The following ATP8A1 variants were observed in gnomAD, a reference collection of about 807,000 sequenced individuals.
The protein encoded by ATP8A1 is phospholipid-transporting ATPase IA.
ATP8A1 carries 90 observed loss-of-function variants against 177.7 expected under a neutral mutation model. The observed-to-expected ratio is 0.51, with a 90% confidence interval of 0.43 to 0.60. ATP8A1 has a LOEUF of 0.60. Among genes scored for constraint, ATP8A1 ranks in the 20% least tolerant of loss-of-function variants. The pLI is 0.00. For missense variants in ATP8A1, 1,072 were observed against 1,392.8 expected (o/e 0.77, Z 3.67); for synonymous variants, 493 against 485.9 (o/e 1.01, Z -0.19).
chr4:42,466,633 T>C lies in ATP8A1; in HGVS notation c.2325-1557A>G, dbSNP rs577377802. Among the ~76,000 whole-genome samples, 45 of 152,340 alleles carry C rather than the reference T, an allele frequency of 3.0e-4. No homozygotes were observed. The South Asian group carries it at 8.9e-3, about 30-fold the overall frequency. ...ACATGGTTGCTATACGAAAAAACCA[T>C]TTTTAATTTTTTCTTTGGATTTCCT... On this transcript the variant is annotated intron_variant, in intron 25 of 36. Coordinates refer to ENST00000381668, the MANE Select transcript of ATP8A1 (RefSeq NM_006095.2).
At chr4:42,534,421 C>G (rs1009933356) in intron 20 of ATP8A1, among the ~76,000 whole-genome samples, 1 of 151,878 alleles carries the variant, frequency 6.6e-6, no homozygotes, top group Non-Finnish European at 1.5e-5. Context: ...CTTCAGAGCT[C>G]AAAGACAGGG....
At chr4:42,610,289 T>C (rs1418840404) in intron 5 of ATP8A1, among the ~76,000 whole-genome samples, 1 of 152,088 alleles carries the variant, frequency 6.6e-6, no homozygotes, top group Non-Finnish European at 1.5e-5. Context: ...AAGAAAGATG[T>C]TCAATAAAGA....
chr4:42,601,033 C>CTTTTTTTTT (rs36117571), intron 5 of ATP8A1, among the ~76,000 whole-genome samples: 5 of 102,412 alleles, frequency 4.9e-5, no homozygotes, highest in East Asian at 3.0e-4. Flanking sequence ...CCCAAATTTT[C>CTTTTTTTTT]TTTTTTTTTT....
chr4:42,567,462 C>A (rs1208633326), intron 15 of ATP8A1, among the ~76,000 whole-genome samples: 1 of 152,180 alleles, frequency 6.6e-6, no homozygotes, highest in Non-Finnish European at 1.5e-5. Context: ...TCACTTGAAC[C>A]TGGGAGGTGG....
chr4:42,653,497 C>T (rs1022924016), intron 1 of ATP8A1, among the ~76,000 whole-genome samples: 9 of 152,314 alleles, frequency 5.9e-5, no homozygotes, highest in African/African-American at 2.2e-4. Context: ...TTCCTCCCTT[C>T]CCATTCTCAC....
intron 27 of ATP8A1, among the ~76,000 whole-genome samples, chr4:42,460,379 C>CTTTTTTTTTTTTTTTTT (rs35296572): frequency 2.1e-5 from 2 of 94,542 alleles, no homozygotes; most frequent in Non-Finnish European, 4.0e-5. Context: ...ATGGATGGAT[C>CTTTTTTTTTTTTTTTTT]TTTTTTTTTT....
intron 22 of ATP8A1, among the ~76,000 whole-genome samples, chr4:42,514,801 GTAACT>G (rs951832887): frequency 5.9e-5 from 9 of 152,120 alleles, no homozygotes; most frequent in African/African-American, 9.7e-5. Context: ...CCCTGAGCAA[GTAACT>G]TAACTTACCT....
chr4:42,574,810 G>C (rs1399454687), intron 13 of ATP8A1, 103 bp from the exon 14 acceptor site: 4 of 711,264 alleles, frequency 5.6e-6, no homozygotes, highest in Non-Finnish European at 9.2e-6. Flanking sequence ...GGGGCACAAT[G>C]AATATTACTA....
chr4:42,599,700 T>TC (rs1735056043), intron 6 of ATP8A1, among the ~76,000 whole-genome samples: 1 of 152,182 alleles, frequency 6.6e-6, no homozygotes, highest in Non-Finnish European at 1.5e-5. Flanking sequence ...TGGTTACACT[T>TC]CGATTGTCCT....
intron 33 of ATP8A1, among the ~76,000 whole-genome samples, chr4:42,426,971 T>C (rs1429580591): frequency 2.0e-5 from 3 of 152,222 alleles, no homozygotes; most frequent in African/African-American, 7.2e-5. Context: ...AAGGGAAAAT[T>C]ATTTGGAAAA....
rs747372306 is a variant in ATP8A1 at position 42,581,672 on chromosome 4, C to T, written c.783G>A (p.Gln261=). ...TGTAGACAACTATTCCATGAACCCA[C>T]TGTGTATTTCTCAACTGAGCTCCTC... ...LLRGAQLRNT[Q]WVHGIVVYTG... The change falls in exon 10 of 37, where the codon CAG becomes CAA. Residue 261 remains glutamine (Q), a synonymous_variant. Coordinates refer to ENST00000381668, the MANE Select transcript of ATP8A1 (RefSeq NM_006095.2). 7 of 1,614,186 alleles carry T rather than the reference C, an allele frequency of 4.3e-6. No homozygotes were observed. The East Asian group carries it at 1.1e-4, about 26-fold the overall frequency.
At chr4:42,477,899 C>G (rs1721248572) in intron 25 of ATP8A1, among the ~76,000 whole-genome samples, 1 of 151,810 alleles carries the variant, frequency 6.6e-6, no homozygotes, top group South Asian at 2.1e-4. Flanking sequence ...GAGAGGACAG[C>G]TTGAGCCTTG....
intron 24 of ATP8A1, among the ~76,000 whole-genome samples, chr4:42,485,915 A>G (rs967801126): frequency 7.2e-5 from 11 of 152,190 alleles, no homozygotes; most frequent in African/African-American, 2.7e-4. Flanking sequence ...GGACTAGACT[A>G]TAAGTCACCT....
chr4:42,618,904 C>T (rs12650065), intron 4 of ATP8A1, among the ~76,000 whole-genome samples: 146,225 of 152,310 alleles, frequency 0.96, 70,444 homozygotes, highest in East Asian at 1. Flanking sequence ...ATGCTCTGTT[C>T]TCCTTGCAAT....
At chr4:42,601,602 A>G (rs1735283957) in intron 5 of ATP8A1, among the ~76,000 whole-genome samples, 1 of 152,206 alleles carries the variant, frequency 6.6e-6, no homozygotes, top group Non-Finnish European at 1.5e-5. Context: ...TAGCCGGCAC[A>G]GCACTTAGTA....
At chr4:42,448,401 C>CTTTTCTTTTTTTTTTTTTTT (rs1553875016) in intron 30 of ATP8A1, among the ~76,000 whole-genome samples, 2 of 99,558 alleles carry the variant, frequency 2.0e-5, no homozygotes, top group African/African-American at 6.9e-5. Context: ...TCTTTCTTTT[C>CTTTTCTTTTTTTTTTTTTTT]TTTTTTTTTT....
At chr4:42,635,796 TATATATATATATATAC>T (rs1461337706) in intron 1 of ATP8A1, among the ~76,000 whole-genome samples, 2,296 of 114,858 alleles carry the variant, frequency 0.02, 145 homozygotes, top group African/African-American at 0.069. Context: ...TATATATATA[TATATATATATATATAC>T]ACATGTATGT....
At chr4:42,449,487 A>T (rs1019543387) in intron 30 of ATP8A1, among the ~76,000 whole-genome samples, 3 of 152,204 alleles carry the variant, frequency 2.0e-5, no homozygotes, top group Non-Finnish European at 4.4e-5. Context: ...GCTGAGGCAA[A>T]GGAATAGATG....
intron 4 of ATP8A1, among the ~76,000 whole-genome samples, chr4:42,621,868 CTAG>C (rs1737492779): frequency 3.3e-5 from 5 of 152,240 alleles, no homozygotes; most frequent in Admixed American, 3.3e-4. Context: ...TAACATGGTA[CTAG>C]TAGGAGAACA....
Sources: gnomAD v4.1 joint callset for allele counts (sites outside exome capture counted in the v4.1 genomes callset) on GRCh38, gnomAD v4.1.1 for gene constraint, MANE v1.5 for transcripts, NCBI Gene and HGNC (gene_info 2026-07-23, HGNC 2026-07-21) for gene names.